Variants in FN3KRP observed in about 807,000 individuals in gnomAD.
FN3KRP encodes the protein ketosamine-3-kinase.
A neutral mutation model predicts 29.8 loss-of-function variants in FN3KRP; 33 were observed. The ratio of observed to expected loss-of-function variants is 1.11; its 90% CI spans 0.84 to 1.48. The LOEUF is 1.48. Ranked by LOEUF, FN3KRP falls within the 40% of genes most tolerant of loss-of-function variation. FN3KRP has a pLI of 0.00. For missense variants in FN3KRP, 430 were observed against 402.6 expected (o/e 1.07, Z -0.58); for synonymous variants, 157 against 155.2 (o/e 1.01, Z -0.09).
At chr17:82,721,990 A>G (rs550785346) in intron 3 of FN3KRP, among the ~76,000 whole-genome samples, 5 of 150,758 alleles carry the variant, frequency 3.3e-5, no homozygotes, top group African/African-American at 1.2e-4. Flanking sequence ...ATGCGCCACC[A>G]TGCCCAGCTA....
At chr17:82,726,808 T>G (rs1323413071) in intron 5 of FN3KRP, 25 bp from the exon 6 acceptor site, 2 of 1,522,106 alleles carry the variant, frequency 1.3e-6, no homozygotes, top group African/African-American at 2.8e-5. Flanking sequence ...ATCAATTTGC[T>G]GAGGCTCCAT....
At chr17:82,718,873 G>A (rs1013200145) in intron 1 of FN3KRP, 33 bp from the exon 2 acceptor site, 3 of 1,605,716 alleles carry the variant, frequency 1.9e-6, no homozygotes, top group Non-Finnish European at 2.6e-6. Flanking sequence ...TTGCCTCCCT[G>A]TATTTCCACT....
rs1716345717 is a variant in FN3KRP at position 82,726,869 on chromosome 17, A to G, written c.628A>G (p.Ile210Val). ...IPDLFRDLEIIPALLHGDLWG... is the reference protein window; with the variant it reads ...IPDLFRDLEIVPALLHGDLWG... ...TGACCTGTTCCGTGACCTGGAGATC[A>G]TCCCAGCCTTACTCCACGGGGACCT... Residue 210 changes from isoleucine to valine, a missense_variant, in exon 6 of 6, where the codon ATC (isoleucine) becomes GTC (valine). Physicochemically the swap from Ile to Val is conservative, Grantham distance 29. Transcript: ENST00000269373. 6.4e-7 allele frequency: 1 copy of G among 1,564,538 alleles called. No individual in the cohort carries two copies. Among genetic ancestry groups the G allele is most frequent in the Non-Finnish European group, 8.6e-7 (1 of 1,156,860 alleles).
At chr17:82,722,583 G>A in intron 3 of FN3KRP, 1 of 523,674 alleles carries the variant, frequency 1.9e-6, no homozygotes. Context: ...GACGTCTGCT[G>A]GAGGCCACAG....
At chr17:82,719,709 C>T (rs537620612) in intron 2 of FN3KRP, among the ~76,000 whole-genome samples, 2 of 151,870 alleles carry the variant, frequency 1.3e-5, no homozygotes, top group South Asian at 2.1e-4. Context: ...GAGCTGAGAT[C>T]GCACCACTGC....
At chr17:82,720,630 T>G in intron 3 of FN3KRP, 10 of 328,400 alleles carry the variant, frequency 3.0e-5, no homozygotes, top group East Asian at 6.0e-5. Context: ...TTACCTCTCG[T>G]TCCCCAGAAG....
At position 82,727,779 on chromosome 17, in the gene FN3KRP, A is replaced by G. The variant is rs1046917; in HGVS notation, c.*608A>G. The G allele has an allele frequency of 0.69, 104,238 of 152,124 alleles. 35,965 individuals carry two copies. Among genetic ancestry groups the G allele is most frequent in the African/African-American group, 0.74 (30,766 of 41,480 alleles). The allele number at this position is 152,124 out of a possible 1,614,324, so 9.4% of individuals were successfully genotyped here. A position where few individuals can be genotyped will look rare whatever the true frequency, so the allele number is the denominator to read the frequency against. On this transcript the variant is annotated 3_prime_UTR_variant, in exon 6 of 6. Coordinates refer to ENST00000269373, the MANE Select transcript of FN3KRP (RefSeq NM_024619.4). Reference sequence around the variant, plus strand: ...TCTGGGAGAAACCAAGCTGCTGGCCATAGGGTGTCCTTGGGTACATCCAGG... The same window carrying G: ...TCTGGGAGAAACCAAGCTGCTGGCCGTAGGGTGTCCTTGGGTACATCCAGG...
intron 1 of FN3KRP, among the ~76,000 whole-genome samples, chr17:82,717,924 G>A (rs994145986): frequency 6.6e-6 from 1 of 152,110 alleles, no homozygotes; most frequent in Admixed American, 6.6e-5. Flanking sequence ...TATGTTGTGT[G>A]TATGTATTGT....
rs755838050 is a variant in FN3KRP, at chr17:82,716,739, G to A, written c.-17G>A. On this transcript the variant is annotated 5_prime_UTR_variant, in exon 1 of 6. Transcript: ENST00000269373. ...TCTCCGCCAGATCCGGGGCGGGTCC[G>A]CGGCCGCGGCGGGAACATGGAGGAG... 4 of 1,482,188 alleles carry A rather than the reference G, an allele frequency of 2.7e-6. No individual in the cohort carries two copies. In the South Asian group the frequency reaches 4.0e-5, roughly 15 times the overall value. The allele number at this position is 1,482,188 out of a possible 1,614,324, so 91.8% of individuals were successfully genotyped here.
In FN3KRP at chr17:82,726,509, G is replaced by A. The variant is rs532608549; in HGVS notation, c.498G>A (p.Val166=). The A allele has an allele frequency of 3.7e-6, 6 of 1,614,200 alleles. No individual in the cohort carries two copies. Among genetic ancestry groups the A allele is most frequent in the South Asian group, 2.2e-5 (2 of 91,086 alleles). ...ATGACTGGCAGGAGGACTGGGTCGT[G>A]TTCTATGCCCGGCAGCGCATTCAGC... ...QVNDWQEDWV[V]FYARQRIQPQ... is the part of the protein sequence containing the mutation. The change falls in exon 5 of 6, where the codon GTG becomes GTA. Residue 166 remains valine (V), a synonymous_variant. Coordinates refer to ENST00000269373, the MANE Select transcript of FN3KRP (RefSeq NM_024619.4).
chr17:82,716,840 CGGAG>C lies in FN3KRP; in HGVS notation c.86_89del (p.Arg29ProfsTer11). ...GGGGGGCGGGTGCATCAGCCAGGGC[CGGAG>C]CTACGACACGGATCAAGGACGAGTG... On this transcript the variant is annotated frameshift_variant, in exon 1 of 6. Coordinates refer to ENST00000269373, the MANE Select transcript of FN3KRP (RefSeq NM_024619.4). LOFTEE classifies it high-confidence loss of function. The C allele has an allele frequency of 6.4e-7, 1 of 1,559,832 alleles. No homozygotes were observed. Among genetic ancestry groups the C allele is most frequent in the Non-Finnish European group, 8.6e-7 (1 of 1,158,032 alleles).
At chr17:82,717,871 T>TTG (rs1358301738) in intron 1 of FN3KRP, among the ~76,000 whole-genome samples, 1 of 151,966 alleles carries the variant, frequency 6.6e-6, no homozygotes, top group Admixed American at 6.6e-5. Flanking sequence ...TATGTGTATG[T>TTG]TGTGTGTGTG....
chr17:82,727,103 C>G lies in FN3KRP; in HGVS notation c.862C>G (p.His288Asp). 6.2e-7 allele frequency: 1 copy of G among 1,614,152 alleles called. No homozygotes were observed. Among genetic ancestry groups the G allele is most frequent in the Non-Finnish European group, 8.5e-7 (1 of 1,180,036 alleles). The change falls in exon 6 of 6, where the codon CAC becomes GAC. Residue 288 changes from histidine to aspartate, a missense_variant. Coordinates refer to ENST00000269373, the MANE Select transcript of FN3KRP (RefSeq NM_024619.4). ...GTATCAGCTCTTTCACTACTTGAAC[C>G]ACTGGAATCATTTTGGATCGGGGTA... ...QLYQLFHYLN[H>D]WNHFGSGYRG...
chr17:82,726,144 C>T (rs2046835396), intron 4 of FN3KRP, among the ~76,000 whole-genome samples: 1 of 152,116 alleles, frequency 6.6e-6, no homozygotes, highest in South Asian at 2.1e-4. Flanking sequence ...GGCGCCACTG[C>T]ACTCCAGCCT....
chr17:82,719,103 G>C (rs777999730), intron 2 of FN3KRP, 46 bp downstream of exon 2: 2 of 1,527,946 alleles, frequency 1.3e-6, no homozygotes, highest in Non-Finnish European at 1.8e-6. Flanking sequence ...ACCTGAGCAG[G>C]TGTGTCTTCA....
chr17:82,719,175 G>A lies in FN3KRP; in HGVS notation c.293+118G>A, dbSNP rs915219266. 8.1e-6 allele frequency: 8 copies of A among 987,206 alleles called. No homozygotes were observed. The African/African-American group carries it at 1.3e-4, about 16-fold the overall frequency. The allele number at this position is 987,206 out of a possible 1,614,324, so 61.2% of individuals were successfully genotyped here. ...CTGGCTGGCTTTATTATCTGAGCAG[G>A]TGTGTGTTCACACCACCCCCCAGCT... On this transcript the variant is annotated intron_variant, in intron 2 of 5. Coordinates refer to ENST00000269373, the MANE Select transcript of FN3KRP (RefSeq NM_024619.4).
At position 82,727,265 on chromosome 17, in the gene FN3KRP, C is replaced by A; in HGVS notation, c.*94C>A. 3 of 1,075,128 alleles carry A rather than the reference C, an allele frequency of 2.8e-6. No individual in the cohort carries two copies. The highest frequency in any genetic ancestry group is 2.7e-6 in the Non-Finnish European group (2 of 731,834). The allele number at this position is 1,075,128 out of a possible 1,614,324, so 66.6% of individuals were successfully genotyped here. On this transcript the variant is annotated 3_prime_UTR_variant, in exon 6 of 6. Coordinates refer to ENST00000269373, the MANE Select transcript of FN3KRP (RefSeq NM_024619.4). Reference sequence around the variant, plus strand: ...CTTCACATGCTGGACTAGCTTAAGACCAATGCAGTAGCTTATTTCCAAGCC... The same window carrying A: ...CTTCACATGCTGGACTAGCTTAAGAACAATGCAGTAGCTTATTTCCAAGCC...
chr17:82,720,225 G>A lies in FN3KRP; in HGVS notation c.294-47G>A, dbSNP rs778301562. ...CCTGAGACTGAGCAGTGGGTGTGTTGCCATTCTGTGTGTCATCTGTTTAGT... is the reference window on the plus strand; with the variant it reads ...CCTGAGACTGAGCAGTGGGTGTGTTACCATTCTGTGTGTCATCTGTTTAGT... On this transcript the variant is annotated intron_variant, in intron 2 of 5. Coordinates refer to ENST00000269373, the MANE Select transcript of FN3KRP (RefSeq NM_024619.4). 6 of 1,498,470 alleles carry A rather than the reference G, an allele frequency of 4.0e-6. No homozygotes were observed. The Admixed American group carries it at 1.0e-4, about 25-fold the overall frequency. 92.8% of individuals were successfully genotyped at this position (1,498,470 alleles called of 1,614,324 possible).
Position 82,719,072 on chromosome 17 carries a change from C to CACCCCCT in FN3KRP, c.293+21_293+22insTACCCCC. ...CATCTGAGCAGGTGCATCTTCACAC[C>CACCCCCT]ACCCCCCACCTGGCTTTATTACCTG... On this transcript the variant is annotated intron_variant, in intron 2 of 5. Coordinates refer to ENST00000269373, the MANE Select transcript of FN3KRP (RefSeq NM_024619.4). The CACCCCCT allele has an allele frequency of 6.3e-7, 1 of 1,594,688 alleles. No homozygotes were observed. The highest frequency in any genetic ancestry group is 8.6e-7 in the Non-Finnish European group (1 of 1,165,860).
Sources: gnomAD v4.1 joint callset for allele counts (sites outside exome capture counted in the v4.1 genomes callset) on GRCh38, gnomAD v4.1.1 for gene constraint, MANE v1.5 for transcripts, NCBI Gene and HGNC (gene_info 2026-07-23, HGNC 2026-07-21) for gene names.